SMIM20: variants seen among roughly 807,000 people sequenced by gnomAD.
SMIM20 encodes mitochondrial translation regulation assembly intermediate of cytochrome c oxidase protein of 7 kDa.
Under a neutral mutation model 8.7 loss-of-function variants are expected in SMIM20, and 3 were observed. The observed-to-expected ratio is 0.34, with a 90% CI of 0.16 to 0.89. The LOEUF is 0.89. SMIM20 is among the 40% of genes least tolerant of loss of function. The pLI, the probability that SMIM20 is intolerant of heterozygous loss-of-function variation, is 0.49. For synonymous variants in SMIM20, 44 were observed against 33.6 expected, an observed-to-expected ratio of 1.31 and a Z score of -1.07; for missense variants, 85 against 84.8, an observed-to-expected ratio of 1.00 and a Z score of -0.01.
intron 1 of SMIM20, among the ~76,000 whole-genome samples, chr4:25,921,061 A>C (rs559716487): frequency 3.9e-5 from 6 of 152,322 alleles, no homozygotes; most frequent in Non-Finnish European, 7.4e-5. Flanking sequence ...AAGAGCAGTG[A>C]TCATATTCAC....
chr4:25,924,074 G>T (rs2109365181), intron 1 of SMIM20, among the ~76,000 whole-genome samples: 1 of 152,274 alleles, frequency 6.6e-6, no homozygotes, highest in Admixed American at 6.5e-5. Context: ...AGCCAACTGG[G>T]TTGCACTTGC....
At chr4:25,919,395 G>A (rs61301906) in intron 1 of SMIM20, among the ~76,000 whole-genome samples, 14,859 of 151,328 alleles carry the variant, frequency 0.098, 978 homozygotes, top group East Asian at 0.29. Flanking sequence ...TGTTAGTGCA[G>A]TGGCAAGATC....
Position 25,929,164 on chromosome 4 carries a change from G to C in SMIM20, c.177G>C (p.Val59=). The C allele has an allele frequency of 3.9e-6, 6 of 1,551,992 alleles. No individual in the cohort carries two copies. Among genetic ancestry groups the C allele is most frequent in the Non-Finnish European group, 5.2e-6 (6 of 1,146,978 alleles). Residue 59 remains valine (V), a synonymous_variant, in exon 3 of 3, where the codon GTG becomes GTC. Coordinates refer to ENST00000506197, the MANE Select transcript of SMIM20 (RefSeq NM_001145432.3). ...QEDVQPPGLK[V]WSDPFGRK is the part of the protein sequence containing the mutation. ...TGTTTCTTTCCATAGGGTTAAAAGT[G>C]TGGTCTGATCCATTTGGCAGGAAAT...
intron 2 of SMIM20, among the ~76,000 whole-genome samples, chr4:25,928,753 G>C (rs1054792394): frequency 6.6e-6 from 1 of 152,196 alleles, no homozygotes; most frequent in Non-Finnish European, 1.5e-5. Flanking sequence ...AATTGATGTG[G>C]GGTTCTGCTT....
At chr4:25,924,777 T>C (rs1296566479) in intron 1 of SMIM20, among the ~76,000 whole-genome samples, 1 of 152,194 alleles carries the variant, frequency 6.6e-6, no homozygotes, top group Non-Finnish European at 1.5e-5. Flanking sequence ...TCTTATGTAA[T>C]CACAATGCGG....
intron 2 of SMIM20, 75 bp downstream of exon 2, chr4:25,928,444 T>G: frequency 6.9e-7 from 1 of 1,453,498 alleles, no homozygotes; most frequent in Non-Finnish European, 9.2e-7. Context: ...TGTGTTTGCC[T>G]TGGCGTGGAG....
chr4:25,927,391 T>C (rs543749060), intron 1 of SMIM20, among the ~76,000 whole-genome samples: 132 of 152,312 alleles, frequency 8.7e-4, no homozygotes, highest in Admixed American at 3.9e-3. Context: ...TACCGTTACG[T>C]TTGTGTAACT....
intron 1 of SMIM20, among the ~76,000 whole-genome samples, chr4:25,914,779 G>C (rs1195317138): frequency 6.6e-6 from 1 of 152,230 alleles, no homozygotes; most frequent in Non-Finnish European, 1.5e-5. Flanking sequence ...TTAGGCATAT[G>C]TTGGATCGTT....
intron 1 of SMIM20, among the ~76,000 whole-genome samples, chr4:25,926,234 G>A (rs919825766): frequency 6.6e-6 from 1 of 152,188 alleles, no homozygotes; most frequent in African/African-American, 2.4e-5. Context: ...AATCGTGAGG[G>A]ACTCGTTTCT....
At chr4:25,921,861 A>G (rs553679362) in intron 1 of SMIM20, among the ~76,000 whole-genome samples, 2 of 152,316 alleles carry the variant, frequency 1.3e-5, no homozygotes, top group African/African-American at 2.4e-5. Context: ...GAGTGGCTAG[A>G]CAGGTTTTAA....
intron 1 of SMIM20, among the ~76,000 whole-genome samples, chr4:25,921,466 C>T (rs1478721818): frequency 6.6e-6 from 1 of 152,146 alleles, no homozygotes; most frequent in Admixed American, 6.5e-5. Context: ...GCTCCAGCAG[C>T]TGAGGAGATG....
Position 25,929,291 on chromosome 4 carries a change from G to A in SMIM20, c.*100G>A, listed in dbSNP as rs1447036467. On this transcript the variant is annotated 3_prime_UTR_variant, in exon 3 of 3. Coordinates refer to ENST00000506197, the MANE Select transcript of SMIM20 (RefSeq NM_001145432.3). ...ACCTCACCAGAGAATGACGGCTGGAGAAGAAAACTCTGTAATACCATAAAT... is the reference window on the plus strand; with the variant it reads ...ACCTCACCAGAGAATGACGGCTGGAAAAGAAAACTCTGTAATACCATAAAT... 7.9e-7 allele frequency: 1 copy of A among 1,261,408 alleles called. No homozygotes were observed. Among genetic ancestry groups the A allele is most frequent in the Non-Finnish European group, 1.1e-6 (1 of 891,468 alleles). 78.1% of individuals were successfully genotyped at this position (1,261,408 alleles called of 1,614,324 possible). A position where few individuals can be genotyped will look rare whatever the true frequency, so the allele number is the denominator to read the frequency against.
chr4:25,923,047 T>C lies in SMIM20; in HGVS notation c.110-5266T>C, dbSNP rs1317498744. On this transcript the variant is annotated intron_variant, in intron 1 of 2. Transcript: ENST00000506197. ...CTTAGCAAGGCTTTCCTAAGTGTTATGTGGAGTACAAGGCAGTTCTGTACA... is the reference window on the plus strand; with the variant it reads ...CTTAGCAAGGCTTTCCTAAGTGTTACGTGGAGTACAAGGCAGTTCTGTACA... Among the ~76,000 whole-genome samples, 5 of 152,346 alleles carry C rather than the reference T, an allele frequency of 3.3e-5. No individual in the cohort carries two copies. The East Asian group carries it at 7.7e-4, about 24-fold the overall frequency.
In SMIM20 at chr4:25,914,261, T is replaced by C; in HGVS notation, c.-53T>C. 1 of 1,523,078 alleles carries C rather than the reference T, an allele frequency of 6.6e-7. No individual in the cohort carries two copies. Among genetic ancestry groups the C allele is most frequent in the Non-Finnish European group, 8.9e-7 (1 of 1,129,458 alleles). 94.3% of individuals were successfully genotyped at this position (1,523,078 alleles called of 1,614,324 possible). On this transcript the variant is annotated 5_prime_UTR_variant, in exon 1 of 3. Transcript: ENST00000506197. ...CACGGCCCGGCCGTCGGTAACCTGG[T>C]TTCCGAGAGTGCCGGGCGGTCGGCG...
chr4:25,921,715 A>C (rs1458484224), intron 1 of SMIM20, among the ~76,000 whole-genome samples: 1 of 152,182 alleles, frequency 6.6e-6, no homozygotes, highest in Admixed American at 6.5e-5. Flanking sequence ...TGCAGTAGGT[A>C]AGGGTTCCCA....
chr4:25,928,384 A>G lies in SMIM20; in HGVS notation c.166+15A>G. 3 of 1,548,912 alleles carry G rather than the reference A, an allele frequency of 1.9e-6. No homozygotes were observed. Among genetic ancestry groups the G allele is most frequent in the Non-Finnish European group, 2.6e-6 (3 of 1,146,052 alleles). ...GCAGCCACCAGGTAAACTGAAAAAAAAAAATCAAAACCAAATCTTATTTGT... is the reference window on the plus strand; with the variant it reads ...GCAGCCACCAGGTAAACTGAAAAAAGAAAATCAAAACCAAATCTTATTTGT... On this transcript the variant is annotated intron_variant, in intron 2 of 2. Coordinates refer to ENST00000506197, the MANE Select transcript of SMIM20 (RefSeq NM_001145432.3).
intron 1 of SMIM20, among the ~76,000 whole-genome samples, chr4:25,916,233 TC>T (rs1429823799): frequency 2.0e-5 from 3 of 152,262 alleles, no homozygotes; most frequent in African/African-American, 7.2e-5. Context: ...TGTTTTTTTT[TC>T]TTTTTTTCCG....
At chr4:25,918,873 G>C (rs1719144951) in intron 1 of SMIM20, among the ~76,000 whole-genome samples, 1 of 134,278 alleles carries the variant, frequency 7.4e-6, no homozygotes. Flanking sequence ...CGCAGACTTT[G>C]TCCTTATGTG....
chr4:25,929,280 T>A lies in SMIM20; in HGVS notation c.*89T>A. 7.2e-7 allele frequency: 1 copy of A among 1,397,244 alleles called. No individual in the cohort carries two copies. The highest frequency in any genetic ancestry group is 1.3e-5 in the South Asian group (1 of 78,930). The allele number at this position is 1,397,244 out of a possible 1,614,324, so 86.6% of individuals were successfully genotyped here. On this transcript the variant is annotated 3_prime_UTR_variant, in exon 3 of 3. Transcript: ENST00000506197. ...TACAGCCAGTCACCTCACCAGAGAA[T>A]GACGGCTGGAGAAGAAAACTCTGTA...
Sources: allele counts gnomAD v4.1 joint callset (sites outside exome capture counted in the v4.1 genomes callset), GRCh38; gene constraint gnomAD v4.1.1; transcripts MANE v1.5; gene names NCBI Gene and HGNC (gene_info 2026-07-23, HGNC 2026-07-21).